The following SOBP variants were observed in gnomAD, a reference collection of about 807,000 sequenced individuals.
The protein encoded by SOBP is sine oculis binding protein homolog.
Under a neutral mutation model 53.6 loss-of-function variants are expected in SOBP, and 4 were observed. The ratio of observed to expected loss-of-function variants is 0.07; its 90% CI spans 0.04 to 0.17. SOBP has a LOEUF of 0.17. Ranked by LOEUF, SOBP falls within the 10% of genes least tolerant of loss-of-function variation. SOBP has a pLI of 1.00. For synonymous variants in SOBP, 584 were observed against 522.6 expected (o/e 1.12, Z -1.60); for missense variants, 1,088 against 1,204.7 (o/e 0.90, Z 1.43).
At chr6:107,596,693 A>G (rs907712254) in intron 5 of SOBP, among the ~76,000 whole-genome samples, 1 of 152,220 alleles carries the variant, frequency 6.6e-6, no homozygotes, top group Admixed American at 6.5e-5. Context: ...ATGTCCATCA[A>G]TATTTCTCTT....
intron 3 of SOBP, among the ~76,000 whole-genome samples, chr6:107,507,936 A>G (rs137898504): frequency 9.8e-5 from 15 of 152,332 alleles, no homozygotes; most frequent in African/African-American, 3.4e-4. Context: ...GCTGGGCTAT[A>G]TATTTCACAC....
intron 6 of SOBP, among the ~76,000 whole-genome samples, chr6:107,640,519 CAT>C (rs1771261992): frequency 6.6e-6 from 1 of 152,140 alleles, no homozygotes; most frequent in Non-Finnish European, 1.5e-5. Flanking sequence ...GTCATGGACA[CAT>C]GTGAGTGGGA....
chr6:107,571,260 T>A (rs1409797935), intron 4 of SOBP, among the ~76,000 whole-genome samples: 1 of 152,170 alleles, frequency 6.6e-6, no homozygotes, highest in Non-Finnish European at 1.5e-5. Context: ...GTGAGGATGA[T>A]GTGTTCTGGA....
intron 4 of SOBP, among the ~76,000 whole-genome samples, chr6:107,559,311 T>C (rs1270874711): frequency 6.6e-6 from 1 of 152,206 alleles, no homozygotes; most frequent in African/African-American, 2.4e-5. Flanking sequence ...AAAGGGTGCA[T>C]TTTTTGAACC....
chr6:107,588,374 C>G (rs1042629186), intron 5 of SOBP, among the ~76,000 whole-genome samples: 4 of 152,182 alleles, frequency 2.6e-5, no homozygotes, highest in Admixed American at 2.6e-4. Flanking sequence ...TGTGTAGTCC[C>G]TTGACCAACA....
intron 3 of SOBP, among the ~76,000 whole-genome samples, chr6:107,515,902 A>T (rs1028479940): frequency 6.6e-6 from 1 of 152,228 alleles, no homozygotes; most frequent in Non-Finnish European, 1.5e-5. Context: ...GGTTGGTTTA[A>T]ATTTTAAAAA....
chr6:107,598,131 T>C (rs1437637068), intron 5 of SOBP, among the ~76,000 whole-genome samples: 4 of 152,102 alleles, frequency 2.6e-5, no homozygotes, highest in South Asian at 2.1e-4. Context: ...ATGTGCATCC[T>C]TCTCATAAGA....
intron 6 of SOBP, among the ~76,000 whole-genome samples, chr6:107,654,076 C>T (rs1001851820): frequency 7.2e-5 from 11 of 152,208 alleles, no homozygotes; most frequent in African/African-American, 2.7e-4. Context: ...CAGAGAGTCT[C>T]TCAATGCATT....
In SOBP at chr6:107,635,420, C is replaced by T. The variant is rs774755116; in HGVS notation, c.2576C>T (p.Pro859Leu). The change falls in exon 6 of 7, where the codon CCG (proline) becomes CTG (leucine). Residue 859 changes from proline (P) to leucine (L), a missense_variant. By Grantham distance (98) the Pro-to-Leu change is moderately conservative. Around this residue, in one of 6 missense-constraint regions of SOBP, gnomAD observed 665 missense variants for 629.7 expected, o/e 1.06. Coordinates refer to ENST00000317357, the MANE Select transcript of SOBP (RefSeq NM_018013.4). The surrounding 1 kb of genome is among the most constrained non-coding windows in gnomAD (Gnocchi z 4.5). ...AGCGCCGGGCCTGAGGACCTGGAGC[C>T]GCCGCTCAAAAGGAGGTGCCTCCGA... is the stretch of plus-strand genomic sequence containing the variant. ...MLSAGPEDLE[P>L]PLKRRCLRIR... is the part of the protein sequence containing the mutation. 1.9e-6 allele frequency: 3 copies of T among 1,613,546 alleles called. No homozygotes were observed. The South Asian group carries it at 3.3e-5, about 18-fold the overall frequency.
intron 1 of SOBP, among the ~76,000 whole-genome samples, chr6:107,493,817 C>T (rs552967543): frequency 6.6e-6 from 1 of 152,302 alleles, no homozygotes; most frequent in African/African-American, 2.4e-5. Flanking sequence ...GTTTAGCTGA[C>T]ACCAGTAATG....
intron 3 of SOBP, chr6:107,529,521 T>G: frequency 1.0e-6 from 1 of 985,390 alleles, no homozygotes. Flanking sequence ...AGTCTTGGAC[T>G]CCCATGAAAG....
rs372257513 is a variant in SOBP, at chr6:107,563,718, G to A, written c.574-23362G>A. ...ACAATAGACAAAATGGCGTCTTTCAGTGATTCTCCAGTATGTCCGGAAAAG... is the reference window on the plus strand; with the variant it reads ...ACAATAGACAAAATGGCGTCTTTCAATGATTCTCCAGTATGTCCGGAAAAG... On this transcript the variant is annotated intron_variant, in intron 4 of 6. Transcript: ENST00000317357. 1.1e-4 allele frequency among the ~76,000 whole-genome samples: 16 copies of A among 152,010 alleles called. No homozygotes were observed. In the East Asian group the frequency reaches 2.9e-3, roughly 28 times the overall value.
chr6:107,507,839 T>C (rs192289506), intron 3 of SOBP, among the ~76,000 whole-genome samples: 12 of 152,258 alleles, frequency 7.9e-5, no homozygotes, highest in African/African-American at 2.6e-4. Context: ...TGTATGAAAA[T>C]GTAATTCATT....
chr6:107,596,997 T>C (rs73518913), intron 5 of SOBP, among the ~76,000 whole-genome samples: 4,177 of 152,332 alleles, frequency 0.027, 135 homozygotes, highest in African/African-American at 0.075. Flanking sequence ...ACTCTGCTGT[T>C]TTTTGGTGTT....
intron 4 of SOBP, among the ~76,000 whole-genome samples, chr6:107,550,198 A>T (rs1784423601): frequency 6.6e-6 from 1 of 152,228 alleles, no homozygotes; most frequent in South Asian, 2.1e-4. Flanking sequence ...GTGAAAGGCC[A>T]GAGAGAAGCA....
At chr6:107,536,075 A>G (rs1381357164) in intron 4 of SOBP, among the ~76,000 whole-genome samples, 1 of 152,032 alleles carries the variant, frequency 6.6e-6, no homozygotes, top group African/African-American at 2.4e-5. Context: ...TGAGAAGTGG[A>G]TAGAAAACAG....
chr6:107,542,377 A>G (rs1784173910), intron 4 of SOBP, among the ~76,000 whole-genome samples: 1 of 152,168 alleles, frequency 6.6e-6, no homozygotes, highest in African/African-American at 2.4e-5. Context: ...GAACAGCAGC[A>G]AGAAGTACAG....
chr6:107,577,256 C>T (rs1374584829), intron 4 of SOBP, among the ~76,000 whole-genome samples: 1 of 152,222 alleles, frequency 6.6e-6, no homozygotes, highest in Non-Finnish European at 1.5e-5. Context: ...GCTTTGTGCT[C>T]CCACCAACTT....
chr6:107,642,319 A>C (rs1412355694), intron 6 of SOBP, among the ~76,000 whole-genome samples: 1 of 152,184 alleles, frequency 6.6e-6, no homozygotes, highest in African/African-American at 2.4e-5. Flanking sequence ...ACACACATGC[A>C]CAAAACTTAT....
Sources: allele counts gnomAD v4.1 joint callset (sites outside exome capture counted in the v4.1 genomes callset), GRCh38; gene constraint gnomAD v4.1.1; regional missense constraint gnomAD v4.1.1; non-coding constraint Gnocchi (gnomAD v3.1); transcripts MANE v1.5; gene names NCBI Gene and HGNC (gene_info 2026-07-23, HGNC 2026-07-21).